ALDH1L2: variants seen among roughly 807,000 people sequenced by gnomAD.
The protein encoded by ALDH1L2 is mitochondrial 10-formyltetrahydrofolate dehydrogenase.
Under a neutral mutation model 111.0 loss-of-function variants are expected in ALDH1L2, and 91 were observed. That is an observed-to-expected ratio of 0.82 (90% CI 0.69 to 0.98). The LOEUF (loss-of-function observed/expected upper bound fraction) is 0.98, where lower values mean the gene tolerates loss of function less well. ALDH1L2 is among the 50% of genes least tolerant of loss of function. ALDH1L2 has a pLI of 0.00. For synonymous variants in ALDH1L2, 374 were observed against 392.6 expected, an observed-to-expected ratio of 0.95 and a Z score of 0.56; for missense variants, 995 against 1,126.8, an observed-to-expected ratio of 0.88 and a Z score of 1.67.
chr12:105,074,374 CTT>C (rs1023193480), intron 1 of ALDH1L2, among the ~76,000 whole-genome samples: 1 of 146,096 alleles, frequency 6.8e-6, no homozygotes, highest in African/African-American at 2.6e-5. Flanking sequence ...AGGAGAATCT[CTT>C]GAACCCGGGA....
chr12:105,041,378 G>T (rs369258345), intron 15 of ALDH1L2, among the ~76,000 whole-genome samples: 5 of 152,110 alleles, frequency 3.3e-5, no homozygotes, highest in South Asian at 4.2e-4. Context: ...TGCACTTTTG[G>T]GAACAATGCC....
intron 9 of ALDH1L2, among the ~76,000 whole-genome samples, chr12:105,059,245 G>A (rs1045452028): frequency 4.0e-5 from 6 of 150,188 alleles, no homozygotes; most frequent in Non-Finnish European, 7.4e-5. Flanking sequence ...CCAGCCTGGC[G>A]ACAGAGCGAG....
chr12:105,037,850 C>A (rs1353481073), intron 18 of ALDH1L2, among the ~76,000 whole-genome samples: 1 of 151,806 alleles, frequency 6.6e-6, no homozygotes, highest in Non-Finnish European at 1.5e-5. Context: ...CTGCAACCTC[C>A]GCCTCCTGGG....
At chr12:105,025,135 A>G (rs1874349237) in intron 22 of ALDH1L2, among the ~76,000 whole-genome samples, 1 of 152,216 alleles carries the variant, frequency 6.6e-6, no homozygotes. Flanking sequence ...GGCACTGAAT[A>G]CCATGGGAAA....
intron 4 of ALDH1L2, 116 bp from the exon 5 acceptor site, chr12:105,066,785 G>A (rs1404839768): frequency 1.3e-6 from 1 of 778,256 alleles, no homozygotes; most frequent in African/African-American, 1.7e-5. Flanking sequence ...AGAGAGTCAA[G>A]AGTATGATGA....
At chr12:105,036,464 T>G (rs1875105213) in intron 18 of ALDH1L2, among the ~76,000 whole-genome samples, 1 of 114,226 alleles carries the variant, frequency 8.8e-6, no homozygotes, top group South Asian at 2.6e-4. Context: ...TATGTGTGTG[T>G]GTATATACAC....
At chr12:105,070,020 T>A (rs1351212410) in intron 3 of ALDH1L2, among the ~76,000 whole-genome samples, 2 of 151,996 alleles carry the variant, frequency 1.3e-5, no homozygotes, top group Non-Finnish European at 2.9e-5. Flanking sequence ...AGATGCTCTA[T>A]GCAAAAAAAA....
chr12:105,027,233 AT>A (rs1487190906), intron 21 of ALDH1L2, among the ~76,000 whole-genome samples: 2 of 152,248 alleles, frequency 1.3e-5, no homozygotes, highest in Admixed American at 6.5e-5. Context: ...TCCCAAAAAA[AT>A]ATTACTAGTA....
intron 21 of ALDH1L2, among the ~76,000 whole-genome samples, chr12:105,027,150 C>G (rs140549835): frequency 7.2e-5 from 11 of 152,380 alleles, no homozygotes; most frequent in African/African-American, 2.6e-4. Context: ...GTTGGGATTA[C>G]AGGTGTGAGC....
chr12:105,083,970 CTT>C (rs1878457662), intron 1 of ALDH1L2, among the ~76,000 whole-genome samples: 1 of 152,152 alleles, frequency 6.6e-6, no homozygotes, highest in Admixed American at 6.5e-5. Flanking sequence ...ACCCTATTGA[CTT>C]GATACTCCCC....
intron 1 of ALDH1L2, among the ~76,000 whole-genome samples, chr12:105,083,943 C>T (rs534971953): frequency 6.6e-6 from 1 of 152,336 alleles, no homozygotes; most frequent in East Asian, 1.9e-4. Context: ...CTTACACCTC[C>T]CAGGCCGCCA....
intron 17 of ALDH1L2, among the ~76,000 whole-genome samples, chr12:105,039,319 A>T (rs1040370092): frequency 5.8e-5 from 4 of 69,370 alleles, no homozygotes; most frequent in Non-Finnish European, 1.6e-4. Flanking sequence ...TTACAGCTTA[A>T]AAAAAAATTG....
chr12:105,052,423 A>AT (rs1876346362), intron 11 of ALDH1L2, among the ~76,000 whole-genome samples: 1 of 152,222 alleles, frequency 6.6e-6, no homozygotes, highest in African/African-American at 2.4e-5. Context: ...TTCTCATATC[A>AT]TACTACTTTA....
intron 8 of ALDH1L2, 51 bp downstream of exon 8, chr12:105,061,576 A>T: frequency 6.2e-7 from 1 of 1,606,378 alleles, no homozygotes; most frequent in Non-Finnish European, 8.5e-7. Context: ...AGTTACGAAC[A>T]TGCTTCAGTT....
At chr12:105,032,322 C>T (rs768612877) in intron 19 of ALDH1L2, among the ~76,000 whole-genome samples, 1 of 151,664 alleles carries the variant, frequency 6.6e-6, no homozygotes, top group African/African-American at 2.4e-5. Flanking sequence ...GGATTACAGG[C>T]GCCTGCCACT....
chr12:105,026,648 A>G lies in ALDH1L2; in HGVS notation c.2613T>C (p.Ser871=), dbSNP rs1874424210. The G allele has an allele frequency of 6.2e-7, 1 of 1,614,136 alleles. No individual in the cohort carries two copies. The highest frequency in any genetic ancestry group is 8.5e-7 in the Non-Finnish European group (1 of 1,180,016). The change falls in exon 22 of 23, where the codon AGT becomes AGC. Residue 871 remains serine (S), a synonymous_variant. Coordinates refer to ENST00000258494, the MANE Select transcript of ALDH1L2 (RefSeq NM_001034173.4). ...AAACAGTTCCTGCTTCCAGTTTTTC[A>G]CTCACATACATAGCTTTGTTTATGT... ...TRDINKAMYV[S]EKLEAGTVFI...
chr12:105,031,740 C>T, intron 20 of ALDH1L2, 29 bp downstream of exon 20: 3 of 1,601,172 alleles, frequency 1.9e-6, no homozygotes, highest in Non-Finnish European at 2.6e-6. Flanking sequence ...AGGCGGGCAC[C>T]CGGTAAACCC....
rs534409723 is a variant in ALDH1L2, at chr12:105,058,850, T to A, written c.1140-630A>T. 2.0e-5 allele frequency among the ~76,000 whole-genome samples: 3 copies of A among 152,334 alleles called. No homozygotes were observed. The East Asian group carries it at 5.8e-4, about 29-fold the overall frequency. ...ATGGTTGTGGTTCAATCATTTATTC[T>A]CTAAAAGAGATGATACCTTTGTAAT... On this transcript the variant is annotated intron_variant, in intron 9 of 22. Transcript: ENST00000258494.
intron 5 of ALDH1L2, among the ~76,000 whole-genome samples, chr12:105,065,892 G>A (rs915307535): frequency 6.6e-6 from 1 of 152,198 alleles, no homozygotes; most frequent in African/African-American, 2.4e-5. Context: ...CAGGGAGGTT[G>A]TATAGTGGCC....
Sources: allele counts gnomAD v4.1 joint callset (sites outside exome capture counted in the v4.1 genomes callset), GRCh38; gene constraint gnomAD v4.1.1; transcripts MANE v1.5; gene names NCBI Gene and HGNC (gene_info 2026-07-23, HGNC 2026-07-21).